The following HSPA12A variants were observed in gnomAD, a reference collection of about 807,000 sequenced individuals.
HSPA12A encodes the protein heat shock protein family A (Hsp70) member 12A.
In HSPA12A, 28 loss-of-function variants were observed where a neutral mutation model predicts 69.2. The observed-to-expected ratio is 0.40, with a 90% CI of 0.30 to 0.55. The LOEUF (loss-of-function observed/expected upper bound fraction) is 0.55, where lower values mean the gene tolerates loss of function less well. Among genes scored for constraint, HSPA12A ranks in the 20% least tolerant of loss-of-function variants. The probability of loss-of-function intolerance (pLI) is 0.38; values close to 1 mark genes in which losing one functional copy is unlikely to be tolerated. For synonymous variants in HSPA12A, 345 were observed against 370.5 expected (o/e 0.93, Z 0.79); for missense variants, 686 against 900.7 (o/e 0.76, Z 3.05).
At position 116,683,932 on chromosome 10, in the gene HSPA12A, G is replaced by T; in HGVS notation, c.694C>A (p.Gln232Lys). ...AGLASPENSE[Q>K]LIIALEPEAA... ...TCAGGCTCCAAGGCAATGATGAGCT[G>T]CTCCGAGTTCTCGGGGGAGGCCAGG... The change falls in exon 7 of 12, where the codon CAG becomes AAG. Residue 232 changes from glutamine (Q) to lysine (K), a missense_variant. Transcript: ENST00000369209. The T allele has an allele frequency of 6.3e-7, 1 of 1,583,868 alleles. No individual in the cohort carries two copies.
intron 2 of HSPA12A, among the ~76,000 whole-genome samples, chr10:116,806,333 G>A (rs1235033704): frequency 6.6e-6 from 1 of 152,072 alleles, no homozygotes; most frequent in African/African-American, 2.4e-5. Flanking sequence ...CCTCCTCAGT[G>A]GCTGGGACTA....
intron 1 of HSPA12A, among the ~76,000 whole-genome samples, chr10:116,839,557 T>A (rs1845770235): frequency 8.3e-6 from 1 of 120,248 alleles, no homozygotes; most frequent in African/African-American, 3.2e-5. Flanking sequence ...ACTTTAGTAA[T>A]CAACACAAGT....
intron 1 of HSPA12A, among the ~76,000 whole-genome samples, chr10:116,720,066 C>T (rs1850725972): frequency 6.6e-6 from 1 of 152,228 alleles, no homozygotes; most frequent in African/African-American, 2.4e-5. Flanking sequence ...GTGACGGTTG[C>T]ACAATCTTGT....
upstream of HSPA12A, among the ~76,000 whole-genome samples, chr10:116,746,881 C>T (rs1310304958): frequency 3.3e-5 from 5 of 152,186 alleles, no homozygotes; most frequent in East Asian, 7.7e-4. Context: ...TGAACTTTGA[C>T]ATAGGACACT....
Position 116,723,496 on chromosome 10 carries a change from C to T in HSPA12A, c.41-16211G>A, listed in dbSNP as rs992602018. On this transcript the variant is annotated intron_variant, in intron 1 of 11. Transcript: ENST00000369209. This position sits in a 1 kb window ranked among gnomAD's most constrained non-coding sequence, Gnocchi z 4.1. The stretch of plus-strand genomic sequence containing the variant: ...CCACCCTCACCAGCTCTGTCACAGA[C>T]GGGACTCTGTCTCAGGTCTCAGTTT... Among the ~76,000 whole-genome samples, 8 of 152,192 alleles carry T rather than the reference C, an allele frequency of 5.3e-5. No individual in the cohort carries two copies. Among genetic ancestry groups the T allele is most frequent in the Non-Finnish European group, 7.3e-5 (5 of 68,030 alleles).
Position 116,681,860 on chromosome 10 carries a change from G to A in HSPA12A, c.853C>T (p.Arg285Cys), listed in dbSNP as rs1554878676. 1.2e-6 allele frequency: 2 copies of A among 1,614,074 alleles called. No individual in the cohort carries two copies. Among genetic ancestry groups the A allele is most frequent in the Admixed American group, 1.7e-5 (1 of 60,022 alleles). ...AAAAAGGTCCGACTCTGCCGATTAC[G>A]CCGTATGTGTTCCTTAGCTAGTGGC... ...GFTQAKEHIRRNRQSRTFLVE... is the reference protein window; with the variant it reads ...GFTQAKEHIRCNRQSRTFLVE... Residue 285 changes from arginine (R) to cysteine (C), a missense_variant, in exon 8 of 12, where the codon CGT (arginine) becomes TGT (cysteine). By Grantham distance (180) the Arg-to-Cys change is radical. Transcript: ENST00000369209.
At chr10:116,845,328 C>A (rs1845863000) in intron 1 of HSPA12A, among the ~76,000 whole-genome samples, 1 of 152,154 alleles carries the variant, frequency 6.6e-6, no homozygotes, top group South Asian at 2.1e-4. Context: ...ATTCGAAAAG[C>A]TTAGGCAACT....
chr10:116,803,369 TGGCAAGAGACACTGTG>T (rs1177788770), intron 2 of HSPA12A, among the ~76,000 whole-genome samples: 7 of 152,170 alleles, frequency 4.6e-5, no homozygotes, highest in Non-Finnish European at 1.0e-4. Context: ...ACAGTGGGGC[TGGCAAGAGACACTGTG>T]GGGAAGAGGA....
rs1200459594 is a variant in HSPA12A, at chr10:116,674,234, C to T, written c.*547G>A. 1 of 158,168 alleles carries T rather than the reference C, an allele frequency of 6.3e-6. No homozygotes were observed. The highest frequency in any genetic ancestry group is 2.4e-5 in the African/African-American group (1 of 41,456). 9.8% of individuals were successfully genotyped at this position (158,168 alleles called of 1,614,324 possible). ...AGTGCCCAGTGTAGGCAGCCTTCTA[C>T]CACCAGCTAAAAACATTCCCAGTTC... On this transcript the variant is annotated 3_prime_UTR_variant, in exon 12 of 12. Transcript: ENST00000369209.
intron 10 of HSPA12A, among the ~76,000 whole-genome samples, chr10:116,677,411 A>G (rs1849270936): frequency 6.6e-6 from 1 of 152,224 alleles, no homozygotes; most frequent in Non-Finnish European, 1.5e-5. Context: ...AATCCTTTCC[A>G]TGGCGTAGGC....
chr10:116,784,476 C>T (rs1844533325), intron 2 of HSPA12A, among the ~76,000 whole-genome samples: 1 of 152,230 alleles, frequency 6.6e-6, no homozygotes, highest in Non-Finnish European at 1.5e-5. Context: ...TTCATCTGTC[C>T]TGTTCATTTC....
intron 2 of HSPA12A, among the ~76,000 whole-genome samples, chr10:116,775,504 A>C (rs17095208): frequency 0.019 from 2,943 of 152,182 alleles, 63 homozygotes; most frequent in East Asian, 0.12. Flanking sequence ...ATTGACCGTG[A>C]AGTTTGTTTC....
rs551519873 is a variant in HSPA12A, at chr10:116,838,170, G to A, written c.4-3148C>T. ...TGATCGGTGGTCTAGGCACAGGAAA[G>A]TGGGTTGAATTAAGCCCCTGCATCC... On this transcript the variant is annotated intron_variant, in intron 1 of 12. Coordinates refer to the HSPA12A transcript ENST00000635765. 1.0e-3 allele frequency among the ~76,000 whole-genome samples: 159 copies of A among 152,160 alleles called. 1 individual carries two copies. The highest frequency in any genetic ancestry group is 1.9e-3 in the Non-Finnish European group (128 of 68,010).
chr10:116,713,065 G>C (rs1336303004), intron 1 of HSPA12A, among the ~76,000 whole-genome samples: 1 of 99,124 alleles, frequency 1.0e-5, no homozygotes, highest in African/African-American at 3.8e-5. Flanking sequence ...GCTAACGATT[G>C]CCTAAAATCA....
chr10:116,772,048 C>T (rs1231072928), intron 2 of HSPA12A, among the ~76,000 whole-genome samples: 2 of 152,166 alleles, frequency 1.3e-5, no homozygotes, highest in African/African-American at 2.4e-5. Context: ...AGAGGCAGGA[C>T]GAGGCTGGAT....
At chr10:116,798,156 T>C (rs1198359179) in intron 2 of HSPA12A, among the ~76,000 whole-genome samples, 2 of 78,034 alleles carry the variant, frequency 2.6e-5, no homozygotes, top group Admixed American at 4.0e-4. Flanking sequence ...TCCCTCAATG[T>C]GGACGGTAGA....
intron 6 of HSPA12A, among the ~76,000 whole-genome samples, chr10:116,685,168 G>A (rs3010461): frequency 0.99 from 150,125 of 152,216 alleles, 74,057 homozygotes; most frequent in East Asian, 1. Context: ...CTCAAGTTCT[G>A]TATCAGACCC....
chr10:116,824,802 T>G (rs1368276091), intron 2 of HSPA12A, among the ~76,000 whole-genome samples: 1 of 152,040 alleles, frequency 6.6e-6, no homozygotes, highest in African/African-American at 2.4e-5. Flanking sequence ...CCCGGCTAAT[T>G]TTTGTATTTT....
intron 2 of HSPA12A, among the ~76,000 whole-genome samples, chr10:116,814,638 G>A (rs1310876621): frequency 6.6e-6 from 1 of 152,190 alleles, no homozygotes; most frequent in Non-Finnish European, 1.5e-5. Flanking sequence ...CTGTGTCCTA[G>A]TGGAAAGGCC....
Sources: gnomAD v4.1 joint callset for allele counts (sites outside exome capture counted in the v4.1 genomes callset) on GRCh38, gnomAD v4.1.1 for gene constraint, Gnocchi (gnomAD v3.1) non-coding constraint, MANE v1.5 for transcripts, NCBI Gene and HGNC (gene_info 2026-07-23, HGNC 2026-07-21) for gene names.